Variants in SSBP3 observed in about 807,000 individuals in gnomAD.
SSBP3 encodes the protein single-stranded DNA-binding protein 3.
SSBP3 carries 5 observed loss-of-function variants against 69.6 expected under a neutral mutation model. The observed-to-expected ratio is 0.07, with a 90% confidence interval of 0.04 to 0.15. SSBP3 has a LOEUF of 0.15. Ranked by LOEUF, SSBP3 falls within the 10% of genes least tolerant of loss-of-function variation. SSBP3 has a pLI of 1.00. For missense variants in SSBP3, 312 were observed against 534.0 expected, an observed-to-expected ratio of 0.58 and a Z score of 4.10; for synonymous variants, 196 against 193.4, an observed-to-expected ratio of 1.01 and a Z score of -0.11.
intron 4 of SSBP3, among the ~76,000 whole-genome samples, chr1:54,375,218 T>C (rs1647198389): frequency 6.6e-6 from 1 of 152,086 alleles, no homozygotes. Context: ...AGCCTGACAG[T>C]GCTGAAAAGT....
At chr1:54,294,431 TA>T (rs34009451) in intron 4 of SSBP3, among the ~76,000 whole-genome samples, 114,418 of 151,894 alleles carry the variant, frequency 0.75, 43,338 homozygotes, top group East Asian at 0.93. Context: ...CATTGGTCAT[TA>T]AAAATGGAAA....
intron 7 of SSBP3, among the ~76,000 whole-genome samples, chr1:54,253,109 G>A (rs556179707): frequency 5.9e-5 from 9 of 152,050 alleles, no homozygotes; most frequent in South Asian, 4.2e-4. Flanking sequence ...GTTAAGGTAC[G>A]AGAGGATTGT....
At chr1:54,313,458 T>TC (rs1646041707) in intron 4 of SSBP3, among the ~76,000 whole-genome samples, 8 of 148,978 alleles carry the variant, frequency 5.4e-5, no homozygotes, top group Admixed American at 5.3e-4. Flanking sequence ...TTTTTTTTTT[T>TC]TTTCTTTTTA....
intron 4 of SSBP3, among the ~76,000 whole-genome samples, chr1:54,295,959 A>G (rs1384869224): frequency 6.6e-6 from 1 of 152,250 alleles, no homozygotes; most frequent in East Asian, 1.9e-4. Context: ...TTATATAGAC[A>G]AAGGTTATCT....
chr1:54,360,213 CCT>C (rs1553145433), intron 4 of SSBP3, among the ~76,000 whole-genome samples: 1 of 152,152 alleles, frequency 6.6e-6, no homozygotes, highest in Non-Finnish European at 1.5e-5. Flanking sequence ...CTTTGCATTC[CCT>C]GAGTCCACAG....
intron 4 of SSBP3, among the ~76,000 whole-genome samples, chr1:54,372,875 G>A (rs2281306): frequency 0.1 from 15,213 of 152,308 alleles, 1,003 homozygotes; most frequent in East Asian, 0.27. Context: ...CAGGACAAGG[G>A]CAAAGCCTCC....
At chr1:54,320,856 C>T (rs757567105) in intron 4 of SSBP3, among the ~76,000 whole-genome samples, 14 of 152,094 alleles carry the variant, frequency 9.2e-5, no homozygotes, top group South Asian at 2.1e-4. Context: ...GCCTGGCATA[C>T]GGTACGCATT....
chr1:54,309,876 TGTC>T (rs1423823294), intron 4 of SSBP3, among the ~76,000 whole-genome samples: 2 of 152,130 alleles, frequency 1.3e-5, no homozygotes, highest in Admixed American at 1.3e-4. Flanking sequence ...GGCGCTTTCT[TGTC>T]GTTTCCAAAA....
chr1:54,261,852 G>A (rs1645022142), intron 5 of SSBP3, among the ~76,000 whole-genome samples: 2 of 152,138 alleles, frequency 1.3e-5, no homozygotes, highest in African/African-American at 4.8e-5. Flanking sequence ...GATGCTTAGG[G>A]AGAACGGCAT....
At chr1:54,347,866 T>C (rs1354696166) in intron 4 of SSBP3, among the ~76,000 whole-genome samples, 1 of 152,168 alleles carries the variant, frequency 6.6e-6, no homozygotes, top group Non-Finnish European at 1.5e-5. Flanking sequence ...CTCGTGAACT[T>C]TCAGCCTCCA....
At chr1:54,240,103 T>TGTGTGTGCGCGCGCGC (rs1644596095) in intron 13 of SSBP3, among the ~76,000 whole-genome samples, 3 of 22,158 alleles carry the variant, frequency 1.4e-4, no homozygotes, top group Non-Finnish European at 6.8e-4. Context: ...CGCGCGCGTG[T>TGTGTGTGCGCGCGCGC]GCGTGCGCGC....
intron 14 of SSBP3, chr1:54,237,451 A>C (rs1644517384): frequency 6.6e-6 from 1 of 152,192 alleles, no homozygotes; most frequent in Non-Finnish European, 1.5e-5. Flanking sequence ...AAAAACCTTG[A>C]TTTAGAAAGA....
rs1452226625 is a variant in SSBP3 at position 54,233,652 on chromosome 1, C to T, written c.928-4826G>A. Among the ~76,000 whole-genome samples, 4 of 148,592 alleles carry T rather than the reference C, an allele frequency of 2.7e-5. No individual in the cohort carries two copies. The East Asian group carries it at 6.1e-4, about 23-fold the overall frequency. The stretch of plus-strand genomic sequence containing the variant: ...GAGGTGAGGGGCGCCTCTGCCCGGC[C>T]GCCCCTACTGGGAAGTGAGGAGCCC... On this transcript the variant is annotated intron_variant, in intron 14 of 17. Coordinates refer to ENST00000610401, the Ensembl canonical transcript of SSBP3.
chr1:54,376,739 A>C (rs1647251624), intron 4 of SSBP3, among the ~76,000 whole-genome samples: 1 of 152,198 alleles, frequency 6.6e-6, no homozygotes, highest in Non-Finnish European at 1.5e-5. Context: ...AGCGCATCAA[A>C]GGTAGATATT....
At position 54,316,659 on chromosome 1, in the gene SSBP3, ATAAAATAAATAAATAAAT is replaced by A. The variant is rs1358224934; in HGVS notation, c.277-35150_277-35133del. ...CGAGACTCCGTCTCAAAAAAAAAAAATAAAATAAATAAATAAATAAATAAATAAATAAATAAATAAATA... is the reference window on the plus strand; with the variant it reads ...CGAGACTCCGTCTCAAAAAAAAAAAAAAATAAATAAATAAATAAATAAATA... On this transcript the variant is annotated intron_variant, in intron 4 of 17. Transcript: ENST00000610401. Among the ~76,000 whole-genome samples, 21 of 66,258 alleles carry A rather than the reference ATAAAATAAATAAATAAAT, an allele frequency of 3.2e-4. 3 individuals carry two copies. Among genetic ancestry groups the A allele is most frequent in the African/African-American group, 1.2e-3 (18 of 14,784 alleles). 43.5% of individuals were successfully genotyped at this position (66,258 alleles called of 152,430 possible). A position where few individuals can be genotyped will look rare whatever the true frequency, so the allele number is the denominator to read the frequency against.
intron 5 of SSBP3, among the ~76,000 whole-genome samples, chr1:54,277,375 C>A (rs78274393): frequency 6.6e-6 from 1 of 152,126 alleles, no homozygotes; most frequent in African/African-American, 2.4e-5. Context: ...TATCTCCTTT[C>A]GGTCTCTCCC....
intron 4 of SSBP3, among the ~76,000 whole-genome samples, chr1:54,316,177 T>C (rs1569775104): frequency 1.3e-5 from 2 of 150,996 alleles, no homozygotes; most frequent in East Asian, 3.9e-4. Flanking sequence ...AAACCCCAAC[T>C]CTATTAAAAA....
intron 9 of SSBP3, among the ~76,000 whole-genome samples, chr1:54,248,839 T>C (rs1000420302): frequency 2.0e-5 from 3 of 152,178 alleles, no homozygotes; most frequent in African/African-American, 7.2e-5. Context: ...ATAGGAAACA[T>C]GGGTGAAGCA....
chr1:54,316,994 T>C (rs938802857), intron 4 of SSBP3, among the ~76,000 whole-genome samples: 3 of 152,010 alleles, frequency 2.0e-5, no homozygotes, highest in African/African-American at 7.3e-5. Context: ...CTAATCACAT[T>C]CCCCAAACGA....
Sources: gnomAD v4.1 joint callset for allele counts (sites outside exome capture counted in the v4.1 genomes callset) on GRCh38, gnomAD v4.1.1 for gene constraint, MANE v1.5 for transcripts, NCBI Gene and HGNC (gene_info 2026-07-23, HGNC 2026-07-21) for gene names.